Variants in HAUS6 observed in about 807,000 individuals in gnomAD.
The protein encoded by HAUS6 is HAUS augmin-like complex subunit 6.
In HAUS6, 80 loss-of-function variants were observed where a neutral mutation model predicts 106.8. The ratio of observed to expected loss-of-function variants is 0.75; its 90% CI spans 0.63 to 0.90. The LOEUF (loss-of-function observed/expected upper bound fraction) is 0.90. HAUS6 is among the 40% of genes least tolerant of loss of function. The probability of loss-of-function intolerance (pLI) is 0.00; values close to 1 mark genes in which losing one functional copy is unlikely to be tolerated. For missense variants in HAUS6, 1,155 were observed against 1,118.1 expected, an observed-to-expected ratio of 1.03 and a Z score of -0.47; for synonymous variants, 356 against 379.1, an observed-to-expected ratio of 0.94 and a Z score of 0.71.
intron 6 of HAUS6, 139 bp from the exon 7 acceptor site, chr9:19,086,921 A>G: frequency 1.6e-6 from 1 of 619,412 alleles, no homozygotes; most frequent in South Asian, 2.1e-5. Flanking sequence ...AAGCGATAAT[A>G]ATTTATTAGG....
chr9:19,066,523 G>C (rs184561950), intron 12 of HAUS6, among the ~76,000 whole-genome samples: 1 of 152,010 alleles, frequency 6.6e-6, no homozygotes, highest in African/African-American at 2.4e-5. Flanking sequence ...AAACATAGAA[G>C]TTAGATGTCT....
At chr9:19,096,539 T>TCGATGA in intron 2 of HAUS6, 135 bp downstream of exon 2, 1 of 521,924 alleles carries the variant, frequency 1.9e-6, no homozygotes. Context: ...CACTCCAGCC[T>TCGATGA]CGATGACGGA....
intron 10 of HAUS6, among the ~76,000 whole-genome samples, chr9:19,077,676 G>C (rs771243706): frequency 2.6e-5 from 4 of 152,016 alleles, no homozygotes; most frequent in Non-Finnish European, 5.9e-5. Flanking sequence ...AGAAACTTTA[G>C]ACTCAAATGA....
chr9:19,099,156 T>G (rs1193794766), intron 1 of HAUS6, among the ~76,000 whole-genome samples: 25 of 150,538 alleles, frequency 1.7e-4, no homozygotes, highest in African/African-American at 5.4e-4. Context: ...GGGTTTTTTT[T>G]GTTTGTTTTT....
At chr9:19,070,706 G>A (rs941500688) in intron 11 of HAUS6, among the ~76,000 whole-genome samples, 10 of 152,130 alleles carry the variant, frequency 6.6e-5, no homozygotes, top group African/African-American at 2.2e-4. Context: ...ACCTATGACT[G>A]AATAACTACA....
At chr9:19,101,172 T>C (rs1208590118) in intron 1 of HAUS6, among the ~76,000 whole-genome samples, 1 of 152,226 alleles carries the variant, frequency 6.6e-6, no homozygotes, top group African/African-American at 2.4e-5. Context: ...ATACATTGTA[T>C]AAGTGTATCA....
chr9:19,065,619 TCA>T (rs1836745944), intron 12 of HAUS6, among the ~76,000 whole-genome samples: 1 of 152,172 alleles, frequency 6.6e-6, no homozygotes, highest in East Asian at 1.9e-4. Flanking sequence ...GGCAAGCGGA[TCA>T]CCTGAGGTCA....
At chr9:19,091,954 A>G (rs540312018) in intron 4 of HAUS6, among the ~76,000 whole-genome samples, 1 of 151,848 alleles carries the variant, frequency 6.6e-6, no homozygotes, top group South Asian at 2.1e-4. Flanking sequence ...GAGCCACCAC[A>G]CTCAGCCAAA....
At chr9:19,091,292 T>G (rs1209377079) in intron 4 of HAUS6, among the ~76,000 whole-genome samples, 1 of 143,302 alleles carries the variant, frequency 7.0e-6, no homozygotes, top group African/African-American at 2.5e-5. Context: ...AGAGTGAGAC[T>G]TCGTCTGCGA....
intron 8 of HAUS6, 48 bp downstream of exon 8, chr9:19,082,825 T>C: frequency 1.1e-6 from 1 of 926,878 alleles, no homozygotes; most frequent in Non-Finnish European, 1.6e-6. Context: ...AATATACAAT[T>C]ACATGATAGG....
chr9:19,087,803 A>G (rs1817647815), intron 5 of HAUS6, among the ~76,000 whole-genome samples: 1 of 138,972 alleles, frequency 7.2e-6, no homozygotes, highest in South Asian at 2.4e-4. Flanking sequence ...TAATCATGCC[A>G]CTGCACTCTA....
chr9:19,089,178 G>A lies in HAUS6; in HGVS notation c.584+234C>T, dbSNP rs567518153. ...GGATGACTTAAGCCTAGGAAGCAGA[G>A]GCTGCAGTGAGCCGACATCGCGCCA... On this transcript the variant is annotated intron_variant, in intron 5 of 16. Transcript: ENST00000380502. Among the ~76,000 whole-genome samples, 19 of 152,216 alleles carry A rather than the reference G, an allele frequency of 1.2e-4. No homozygotes were observed. In the East Asian group the frequency reaches 3.5e-3, roughly 28 times the overall value.
chr9:19,061,173 A>T (rs1470213372), intron 14 of HAUS6, among the ~76,000 whole-genome samples: 12 of 152,234 alleles, frequency 7.9e-5, no homozygotes, highest in African/African-American at 2.9e-4. Flanking sequence ...TCAAAAAAAT[A>T]ACATAAATAA....
intron 14 of HAUS6, among the ~76,000 whole-genome samples, chr9:19,061,075 A>G (rs1836606016): frequency 1.3e-5 from 2 of 152,240 alleles, no homozygotes; most frequent in Admixed American, 1.3e-4. Context: ...GCAGCAGGAG[A>G]ATCGCTTGAA....
intron 14 of HAUS6, among the ~76,000 whole-genome samples, chr9:19,061,551 C>G (rs1420751782): frequency 6.6e-6 from 1 of 151,696 alleles, no homozygotes; most frequent in Non-Finnish European, 1.5e-5. Context: ...TAACTGACAT[C>G]CAGTCAGGCA....
At chr9:19,094,095 CT>C (rs1817810860) in intron 3 of HAUS6, among the ~76,000 whole-genome samples, 1 of 152,188 alleles carries the variant, frequency 6.6e-6, no homozygotes, top group Non-Finnish European at 1.5e-5. Flanking sequence ...CGCTCAGGAA[CT>C]CTAAAGCCTA....
intron 14 of HAUS6, among the ~76,000 whole-genome samples, chr9:19,061,450 G>A (rs961186961): frequency 4.6e-5 from 7 of 152,148 alleles, no homozygotes; most frequent in African/African-American, 1.7e-4. Context: ...TTACTTTAGT[G>A]TAGAGTCAAT....
intron 5 of HAUS6, among the ~76,000 whole-genome samples, chr9:19,088,666 G>C (rs924118743): frequency 1.3e-5 from 2 of 150,048 alleles, no homozygotes; most frequent in African/African-American, 2.5e-5. Context: ...TCAGGAGTTC[G>C]AGACCAGCAT....
chr9:19,084,406 G>A (rs531494054), intron 7 of HAUS6, among the ~76,000 whole-genome samples: 1 of 152,218 alleles, frequency 6.6e-6, no homozygotes, highest in Non-Finnish European at 1.5e-5. Context: ...CTAGGGTGCT[G>A]GTAACATCCT....
Sources: allele counts gnomAD v4.1 joint callset (sites outside exome capture counted in the v4.1 genomes callset), GRCh38; gene constraint gnomAD v4.1.1; transcripts MANE v1.5; gene names NCBI Gene and HGNC (gene_info 2026-07-23, HGNC 2026-07-21).